Variants in RARB observed in about 807,000 individuals in gnomAD.
RARB encodes the protein retinoic acid receptor beta.
In RARB, 17 loss-of-function variants were observed where a neutral mutation model predicts 51.9. The observed-to-expected ratio is 0.33, with a 90% CI of 0.22 to 0.49. The LOEUF is 0.49. Ranked by LOEUF, RARB falls within the 20% of genes least tolerant of loss-of-function variation. The pLI is 0.99. For missense variants in RARB, 369 were observed against 550.8 expected (o/e 0.67, Z 3.30); for synonymous variants, 215 against 195.4 (o/e 1.10, Z -0.84).
intron 5 of RARB, among the ~76,000 whole-genome samples, chr3:25,209,482 A>G (rs1412818524): frequency 6.6e-6 from 1 of 152,174 alleles, no homozygotes; most frequent in Non-Finnish European, 1.5e-5. Context: ...CAACCCAAAG[A>G]TTTGCCAAAG....
chr3:24,921,614 A>G (rs1042281227), intron 2 of RARB, among the ~76,000 whole-genome samples: 73 of 151,930 alleles, frequency 4.8e-4, no homozygotes, highest in African/African-American at 1.6e-3. Context: ...TCAGCACCCA[A>G]TCAGCGAGGA....
At chr3:25,015,626 C>T (rs1329520512) in intron 2 of RARB, among the ~76,000 whole-genome samples, 1 of 152,112 alleles carries the variant, frequency 6.6e-6, no homozygotes, top group Admixed American at 6.6e-5. Flanking sequence ...GCCTGGTTCC[C>T]ACAGCCTCCC....
At chr3:25,020,261 C>A (rs749709046) in intron 2 of RARB, 1 of 151,956 alleles carries the variant, frequency 6.6e-6, no homozygotes, top group Admixed American at 6.6e-5. Context: ...TTGACAGGCT[C>A]TGTTTCTGAC....
chr3:25,473,278 G>A (rs887697393), intron 2 of RARB, among the ~76,000 whole-genome samples: 1 of 151,040 alleles, frequency 6.6e-6, no homozygotes, highest in Non-Finnish European at 1.5e-5. Flanking sequence ...GGAAAATTTT[G>A]TTCTATGGAC....
intron 5 of RARB, among the ~76,000 whole-genome samples, chr3:25,271,098 G>A (rs1210644217): frequency 6.6e-6 from 1 of 152,182 alleles, no homozygotes; most frequent in Non-Finnish European, 1.5e-5. Flanking sequence ...TAAGTCTCTT[G>A]TAACCTCTAA....
chr3:24,870,682 T>G (rs1461076716), intron 2 of RARB, among the ~76,000 whole-genome samples: 1 of 152,112 alleles, frequency 6.6e-6, no homozygotes, highest in Non-Finnish European at 1.5e-5. Flanking sequence ...GCCCTGCATG[T>G]ATGTGTTTGG....
chr3:25,007,778 T>C (rs1299703070), intron 2 of RARB, among the ~76,000 whole-genome samples: 1 of 151,954 alleles, frequency 6.6e-6, no homozygotes, highest in African/African-American at 2.4e-5. Flanking sequence ...TTAATCTTCA[T>C]TTTCAATTGC....
chr3:25,484,577 G>GA (rs545949779), intron 2 of RARB, among the ~76,000 whole-genome samples: 3 of 150,000 alleles, frequency 2.0e-5, no homozygotes, highest in Middle Eastern at 3.4e-3. Flanking sequence ...TTAAATGCTT[G>GA]AAAAAAAAAT....
chr3:24,864,034 T>G (rs1411229110), intron 2 of RARB, among the ~76,000 whole-genome samples: 1 of 152,196 alleles, frequency 6.6e-6, no homozygotes, highest in Non-Finnish European at 1.5e-5. Flanking sequence ...TGCCCATGAA[T>G]GTGATTTTCT....
intron 1 of RARB, among the ~76,000 whole-genome samples, chr3:24,858,376 A>G (rs1455660570): frequency 6.6e-6 from 1 of 152,148 alleles, no homozygotes; most frequent in Non-Finnish European, 1.5e-5. Flanking sequence ...ATTCTTTTGC[A>G]TTTAAAGCAC....
chr3:25,209,430 A>T (rs936858590), intron 5 of RARB, among the ~76,000 whole-genome samples: 1 of 152,228 alleles, frequency 6.6e-6, no homozygotes, highest in African/African-American at 2.4e-5. Flanking sequence ...TCCTGTAGTC[A>T]TGTAGGCTAG....
intron 5 of RARB, among the ~76,000 whole-genome samples, chr3:25,393,629 T>G (rs1183021237): frequency 1.3e-5 from 2 of 152,170 alleles, no homozygotes; most frequent in African/African-American, 4.8e-5. Context: ...ATTGTGTATT[T>G]CCAGGAATTT....
chr3:25,083,861 G>A (rs993806582), intron 3 of RARB, among the ~76,000 whole-genome samples: 1 of 152,028 alleles, frequency 6.6e-6, no homozygotes, highest in African/African-American at 2.4e-5. Context: ...TTTATTTTAG[G>A]GTTAGAGTTG....
rs746009538 is a variant in RARB, at chr3:25,194,520, G to GAT, written c.178+19959_178+19960dup. 2.8e-3 allele frequency among the ~76,000 whole-genome samples: 404 copies of GAT among 146,654 alleles called. 1 individual carries two copies. The highest frequency in any genetic ancestry group is 6.6e-3 in the African/African-American group (263 of 39,972). On this transcript the variant is annotated intron_variant, in intron 5 of 11. Coordinates refer to the RARB transcript ENST00000383772. Reference sequence around the variant, plus strand: ...ACACACATAGTGATATATATATGTTGATATATATATATATAATGTATATAT... The same window carrying GAT: ...ACACACATAGTGATATATATATGTTGATATATATATATATATAATGTATATAT...
chr3:25,394,798 G>C (rs1186366773), intron 5 of RARB, among the ~76,000 whole-genome samples: 1 of 152,054 alleles, frequency 6.6e-6, no homozygotes, highest in Non-Finnish European at 1.5e-5. Context: ...GTCTTTATGT[G>C]TTAGGTGAGT....
At chr3:24,971,110 C>G (rs1468338258) in intron 2 of RARB, among the ~76,000 whole-genome samples, 3 of 151,912 alleles carry the variant, frequency 2.0e-5, no homozygotes, top group Non-Finnish European at 2.9e-5. Flanking sequence ...CAGATCCTAA[C>G]AGGTGAGATC....
Position 25,309,486 on chromosome 3 carries a change from C to CTTTTTTTTTTTT in RARB, c.178+134929_178+134940dup. 3.4e-5 allele frequency among the ~76,000 whole-genome samples: 2 copies of CTTTTTTTTTTTT among 58,084 alleles called. 1 individual carries two copies. Among genetic ancestry groups the CTTTTTTTTTTTT allele is most frequent in the Non-Finnish European group, 6.4e-5 (2 of 31,102 alleles). The allele number at this position is 58,084 out of a possible 152,430, so 38.1% of individuals were successfully genotyped here. On this transcript the variant is annotated intron_variant, in intron 5 of 11. Coordinates refer to the RARB transcript ENST00000383772. ...CTGATTCCTTAACATCTCATAGTTG[C>CTTTTTTTTTTTT]TTTTTTTTTTTTTTTTTTTTTTTTT...
rs115091937 is a variant in RARB, at chr3:24,954,741, T to C, written c.-380+95989T>C. On this transcript the variant is annotated intron_variant, in intron 2 of 11. Transcript: ENST00000383772. ...GTTCTTTCCCCAAGCTGAAGGAAAGTAGAGAAAGGAAGCAGTTCTAAGATA... is the reference window on the plus strand; with the variant it reads ...GTTCTTTCCCCAAGCTGAAGGAAAGCAGAGAAAGGAAGCAGTTCTAAGATA... Among the ~76,000 whole-genome samples, 204 of 152,144 alleles carry C rather than the reference T, an allele frequency of 1.3e-3. 1 individual carries two copies. The highest frequency in any genetic ancestry group is 4.3e-3 in the African/African-American group (179 of 41,496).
chr3:25,001,209 TAAAG>T (rs1226229116), intron 2 of RARB, among the ~76,000 whole-genome samples: 6 of 151,960 alleles, frequency 3.9e-5, no homozygotes, highest in Non-Finnish European at 7.4e-5. Context: ...AATAAATAAA[TAAAG>T]GCAAAAATTA....
Sources: allele counts gnomAD v4.1 joint callset (sites outside exome capture counted in the v4.1 genomes callset), GRCh38; gene constraint gnomAD v4.1.1; transcripts MANE v1.5; gene names NCBI Gene and HGNC (gene_info 2026-07-23, HGNC 2026-07-21).